Variants in ARL13A observed in about 807,000 individuals in gnomAD.
The protein encoded by ARL13A is ADP-ribosylation factor-like protein 13A.
Under a neutral mutation model 19.1 loss-of-function variants are expected in ARL13A, and 16 were observed. The ratio of observed to expected loss-of-function variants is 0.84; its 90% CI spans 0.57 to 1.27. ARL13A has a LOEUF of 1.27. ARL13A is among the 50% of genes most tolerant of loss of function. ARL13A has a pLI of 0.00. For missense variants in ARL13A, 153 were observed against 186.4 expected (o/e 0.82, Z 1.04); for synonymous variants, 69 against 71.3 (o/e 0.97, Z 0.17).
intron 3 of ARL13A, among the ~76,000 whole-genome samples, chrX:100,983,553 C>T (rs928499373): frequency 9.0e-6 from 1 of 110,518 alleles, no homozygotes; most frequent in Non-Finnish European, 1.9e-5. Context: ...AACAGGGTTT[C>T]ACCATGTTGG....
At chrX:100,981,928 A>G (rs746651027) in intron 3 of ARL13A, among the ~76,000 whole-genome samples, 1 of 109,097 alleles carries the variant, frequency 9.2e-6, no homozygotes, top group African/African-American at 3.3e-5. Flanking sequence ...TGCAGGGGTG[A>G]CCATCACTGA....
At chrX:100,977,103 G>A (rs906987310) in intron 3 of ARL13A, among the ~76,000 whole-genome samples, 27 of 111,326 alleles carry the variant, frequency 2.4e-4, no homozygotes, top group Admixed American at 2.3e-3. Context: ...CGTTGATACA[G>A]GTATACAATG....
chrX:100,982,003 C>G (rs1348355807), intron 3 of ARL13A, among the ~76,000 whole-genome samples: 1 of 110,080 alleles, frequency 9.1e-6, no homozygotes, highest in Non-Finnish European at 1.9e-5. Flanking sequence ...TTCACTAAAA[C>G]TGTTTTGTCT....
At position 100,988,302 on chromosome X, in the gene ARL13A, G is replaced by A. The variant is rs45558334; in HGVS notation, c.744+19G>A. The A allele has an allele frequency of 0.13, 150,447 of 1,202,426 alleles. 6,840 individuals carry two copies. Among genetic ancestry groups the A allele is most frequent in the Admixed American group, 0.18 (8,056 of 45,152 alleles). ...CCTACAGGTAAATGGCCCTTTAAATGTTAATATTCAGTGACCAATCCCTGA... is the reference window on the plus strand; with the variant it reads ...CCTACAGGTAAATGGCCCTTTAAATATTAATATTCAGTGACCAATCCCTGA... On this transcript the variant is annotated intron_variant, in intron 7 of 7. Coordinates refer to ENST00000450049, the MANE Select transcript of ARL13A (RefSeq NM_001162491.2).
intron 1 of ARL13A, among the ~76,000 whole-genome samples, chrX:100,972,381 G>A (rs111876064): frequency 2.5e-3 from 179 of 72,737 alleles, no homozygotes; most frequent in African/African-American, 4.7e-3. Flanking sequence ...CCTCCCTCCC[G>A]GACGGGGCGG....
chrX:100,985,998 T>C (rs2147974640), intron 4 of ARL13A, 82 bp downstream of exon 4: 2 of 1,072,798 alleles, frequency 1.9e-6, no homozygotes, highest in African/African-American at 1.9e-5. Context: ...GGGTGGTCCC[T>C]TTGTCACACC....
chrX:100,985,858 A>C lies in ARL13A; in HGVS notation c.322A>C (p.Lys108Gln). ...TGACATAAGACGCATGCAGGAAGTGAAGATCATCTTAACACATCTGCTGTC... is the reference window on the plus strand; with the variant it reads ...TGACATAAGACGCATGCAGGAAGTGCAGATCATCTTAACACATCTGCTGTC... ...SSDIRRMQEV[K>Q]IILTHLLSDK... is the part of the protein sequence containing the mutation. Residue 108 changes from lysine to glutamine, a missense_variant, in exon 4 of 8, where the codon AAG becomes CAG. Transcript: ENST00000450049. 1 of 1,211,369 alleles carries C rather than the reference A, an allele frequency of 8.3e-7. No homozygotes were observed. Among genetic ancestry groups the C allele is most frequent in the Non-Finnish European group, 1.1e-6 (1 of 895,215 alleles).
intron 7 of ARL13A, among the ~76,000 whole-genome samples, chrX:100,989,325 T>C (rs2085986508): frequency 9.0e-6 from 1 of 111,542 alleles, no homozygotes; most frequent in South Asian, 3.7e-4. Flanking sequence ...AAATTTTCTC[T>C]TTTTGGCCAG....
intron 1 of ARL13A, among the ~76,000 whole-genome samples, chrX:100,972,502 T>C (rs1227298641): frequency 4.7e-5 from 3 of 63,689 alleles, no homozygotes; most frequent in African/African-American, 6.4e-5. Flanking sequence ...CCCCCCCACC[T>C]CCCTCCCGGA....
At chrX:100,986,024 T>A in intron 4 of ARL13A, 108 bp downstream of exon 4, 1 of 959,403 alleles carries the variant, frequency 1.0e-6, no homozygotes. Flanking sequence ...AGGCCTCCTG[T>A]TCCCTTAGGC....
intron 3 of ARL13A, among the ~76,000 whole-genome samples, chrX:100,976,515 C>T (rs1040250880): frequency 1.8e-5 from 2 of 111,812 alleles, no homozygotes; most frequent in Admixed American, 9.5e-5. Context: ...CCTCTGTCTA[C>T]GCAGGACCAT....
At chrX:100,984,291 G>GTT (rs1227135130) in intron 3 of ARL13A, among the ~76,000 whole-genome samples, 2 of 100,978 alleles carry the variant, frequency 2.0e-5, no homozygotes, top group Non-Finnish European at 2.0e-5. Flanking sequence ...GTTGTTTTTT[G>GTT]TTTTTTTTTT....
At chrX:100,981,124 T>G (rs889683790) in intron 3 of ARL13A, among the ~76,000 whole-genome samples, 4 of 111,541 alleles carry the variant, frequency 3.6e-5, no homozygotes, top group Non-Finnish European at 7.5e-5. Context: ...TCCAAGCCCA[T>G]CACAGCACCA....
At chrX:100,975,581 T>C (rs1382826487) in intron 3 of ARL13A, among the ~76,000 whole-genome samples, 1 of 110,654 alleles carries the variant, frequency 9.0e-6, no homozygotes, top group Non-Finnish European at 1.9e-5. Flanking sequence ...GAATGGATGT[T>C]CTCCCCCATT....
intron 4 of ARL13A, among the ~76,000 whole-genome samples, chrX:100,986,440 A>G (rs1250493949): frequency 1.9e-4 from 21 of 111,785 alleles, no homozygotes; most frequent in Admixed American, 1.8e-3. Flanking sequence ...CTCATTAGCA[A>G]CCCCAACTAG....
chrX:100,985,397 C>T (rs972584534), intron 3 of ARL13A, among the ~76,000 whole-genome samples: 2 of 111,634 alleles, frequency 1.8e-5, no homozygotes, highest in African/African-American at 6.5e-5. Flanking sequence ...ATGGGTAAAG[C>T]GATGATTTAG....
At chrX:100,973,603 C>A in intron 1 of ARL13A, 73 bp from the exon 2 acceptor site, 2 of 1,040,184 alleles carry the variant, frequency 1.9e-6, no homozygotes, top group South Asian at 2.0e-5. Flanking sequence ...CCTGTTTAGT[C>A]ATAAGCTGAC....
At chrX:100,986,421 C>T (rs1222546135) in intron 4 of ARL13A, among the ~76,000 whole-genome samples, 6 of 111,894 alleles carry the variant, frequency 5.4e-5, no homozygotes, top group Admixed American at 9.5e-5. Context: ...CTTTATGCTT[C>T]TTTCATTCCT....
Position 100,985,946 on chromosome X carries a change from G to A in ARL13A, c.380+30G>A, listed in dbSNP as rs201948880. 1.7e-4 allele frequency: 197 copies of A among 1,184,734 alleles called. No individual in the cohort carries two copies. In the Middle Eastern group the frequency reaches 2.5e-3, roughly 15 times the overall value. Reference sequence around the variant, plus strand: ...GATTCTGCCTTTCTGTCCTATTTCTGCTTCCCAATTTGTACCCTTAAAAGT... The same window carrying A: ...GATTCTGCCTTTCTGTCCTATTTCTACTTCCCAATTTGTACCCTTAAAAGT... On this transcript the variant is annotated intron_variant, in intron 4 of 7. Coordinates refer to ENST00000450049, the MANE Select transcript of ARL13A (RefSeq NM_001162491.2).
Sources: allele counts gnomAD v4.1 joint callset (sites outside exome capture counted in the v4.1 genomes callset), GRCh38; gene constraint gnomAD v4.1.1; transcripts MANE v1.5; gene names NCBI Gene and HGNC (gene_info 2026-07-23, HGNC 2026-07-21).